UNK: variants seen among roughly 807,000 people sequenced by gnomAD.
UNK encodes the protein RING finger protein unkempt homolog.
A neutral mutation model predicts 97.6 loss-of-function variants in UNK; 32 were observed. That is an observed-to-expected ratio of 0.33 (90% confidence interval 0.25 to 0.44). The LOEUF (loss-of-function observed/expected upper bound fraction) is 0.44. UNK is among the 20% of genes least tolerant of loss of function. UNK has a pLI of 1.00. For missense variants in UNK, 771 were observed against 1,098.4 expected (o/e 0.70, Z 4.21); for synonymous variants, 441 against 461.2 (o/e 0.96, Z 0.56).
chr17:75,801,303 G>T (rs888731963), intron 1 of UNK, among the ~76,000 whole-genome samples: 2 of 152,070 alleles, frequency 1.3e-5, no homozygotes, highest in African/African-American at 4.8e-5. Flanking sequence ...TACTTTTAAG[G>T]CTCGGTGGCA....
rs575612726 is a variant in UNK at position 75,824,293 on chromosome 17, T to G, written c.2309T>G (p.Leu770Arg). The change falls in exon 16 of 16, where the codon CTT becomes CGT. Residue 770 changes from leucine (L) to arginine (R), a missense_variant. Physicochemically the swap from Leu to Arg is moderately radical, Grantham distance 102. Around this residue, in one of 5 missense-constraint regions of UNK, gnomAD observed 208 missense variants for 257.4 expected, o/e 0.81. Coordinates refer to ENST00000589666, the MANE Select transcript of UNK (RefSeq NM_001080419.3). The surrounding 1 kb of genome is among the most constrained non-coding windows in gnomAD (Gnocchi z 4.9). ...AVFHMQSVKC[L>R]KCQEQKRAVL... ...TTCCACATGCAGTCGGTGAAATGCCTTAAGTGTCAGGAACAGAAGCGGGCA... is the reference window on the plus strand; with the variant it reads ...TTCCACATGCAGTCGGTGAAATGCCGTAAGTGTCAGGAACAGAAGCGGGCA... 89 of 1,603,880 alleles carry G rather than the reference T, an allele frequency of 5.5e-5. No homozygotes were observed. Among genetic ancestry groups the G allele is most frequent in the Non-Finnish European group, 7.2e-5 (85 of 1,175,686 alleles).
In UNK at chr17:75,795,141, T is replaced by C. The variant is rs540426329; in HGVS notation, c.104+10157T>C. 2.6e-5 allele frequency among the ~76,000 whole-genome samples: 4 copies of C among 152,238 alleles called. No homozygotes were observed. The South Asian group carries it at 8.3e-4, about 32-fold the overall frequency. ...CGCCTCCATCATACTGCTTGTATCT[T>C]ACATGATGGATGTGTGTTCTAAACT... On this transcript the variant is annotated intron_variant, in intron 1 of 15. Coordinates refer to ENST00000589666, the MANE Select transcript of UNK (RefSeq NM_001080419.3).
At chr17:75,787,651 C>G (rs1481452536) in intron 1 of UNK, among the ~76,000 whole-genome samples, 1 of 151,820 alleles carries the variant, frequency 6.6e-6, no homozygotes, top group Non-Finnish European at 1.5e-5. Context: ...CATGGAAACC[C>G]CGTCTCTACT....
intron 2 of UNK, among the ~76,000 whole-genome samples, chr17:75,810,422 TGACA>T (rs2143772483): frequency 6.8e-6 from 1 of 148,094 alleles, no homozygotes; most frequent in Admixed American, 6.6e-5. Context: ...GTCGCACTAA[TGACA>T]GACATAGGGA....
intron 1 of UNK, among the ~76,000 whole-genome samples, chr17:75,799,398 G>T (rs2143712829): frequency 6.6e-6 from 1 of 152,340 alleles, no homozygotes; most frequent in South Asian, 2.1e-4. Flanking sequence ...TGAGGCGGAA[G>T]ATCTCAATTT....
At position 75,793,926 on chromosome 17, in the gene UNK, C is replaced by T. The variant is rs61081894; in HGVS notation, c.104+8942C>T. 1,081 of 985,282 alleles carry T rather than the reference C, an allele frequency of 1.1e-3. 8 individuals are homozygous for T. In the African/African-American group the frequency reaches 0.017, roughly 15 times the overall value. 61.0% of individuals were successfully genotyped at this position (985,282 alleles called of 1,614,324 possible). A position where few individuals can be genotyped will look rare whatever the true frequency, so the allele number is the denominator to read the frequency against. ...TTGTGACTTAGAAGTTTTAAGTAGT[C>T]GTTCTTATATCTAAGCATTTATTAA... On this transcript the variant is annotated intron_variant, in intron 1 of 15. Coordinates refer to ENST00000589666, the MANE Select transcript of UNK (RefSeq NM_001080419.3).
At chr17:75,803,557 T>G (rs1298456093) in intron 1 of UNK, among the ~76,000 whole-genome samples, 4 of 152,296 alleles carry the variant, frequency 2.6e-5, no homozygotes, top group Non-Finnish European at 2.9e-5. Flanking sequence ...TTGGACAAAT[T>G]TACAAAACTT....
Position 75,825,439 on chromosome 17 carries a change from T to G in UNK, c.*1022T>G, listed in dbSNP as rs2062110593. 1 of 152,728 alleles carries G rather than the reference T, an allele frequency of 6.5e-6. No homozygotes were observed. The highest frequency in any genetic ancestry group is 1.5e-5 in the Non-Finnish European group (1 of 68,180). The allele number at this position is 152,728 out of a possible 1,614,324, so 9.5% of individuals were successfully genotyped here. ...CCCGGAGGGGCTCCGTTTGCATTCC[T>G]TGGTGCTCTCTGAGTGCAGCTGGTG... On this transcript the variant is annotated 3_prime_UTR_variant, in exon 16 of 16. Transcript: ENST00000589666. This position sits in a 1 kb window ranked among gnomAD's most constrained non-coding sequence, Gnocchi z 4.4.
At chr17:75,805,421 C>A (rs2061903620) in intron 1 of UNK, among the ~76,000 whole-genome samples, 1 of 150,762 alleles carries the variant, frequency 6.6e-6, no homozygotes. Flanking sequence ...AAAAACAAGC[C>A]CACATGCTTG....
intron 6 of UNK, among the ~76,000 whole-genome samples, chr17:75,814,296 G>C (rs933802103): frequency 2.0e-5 from 3 of 152,004 alleles, no homozygotes; most frequent in African/African-American, 7.2e-5. Flanking sequence ...GAGGTCAGGA[G>C]TTTGAGACTA....
rs964881560 is a variant in UNK at position 75,819,614 on chromosome 17, G to A, written c.1547-70G>A. ...AGCATGGGCGTGAAGATGCAGCGTGGGCAGTAGACGAGGTGGTCAGGGTCA... is the reference window on the plus strand; with the variant it reads ...AGCATGGGCGTGAAGATGCAGCGTGAGCAGTAGACGAGGTGGTCAGGGTCA... On this transcript the variant is annotated intron_variant, in intron 11 of 15. Coordinates refer to ENST00000589666, the MANE Select transcript of UNK (RefSeq NM_001080419.3). This position sits in a 1 kb window ranked among gnomAD's most constrained non-coding sequence, Gnocchi z 5.4. 1.4e-6 allele frequency: 2 copies of A among 1,415,980 alleles called. No homozygotes were observed. The highest frequency in any genetic ancestry group is 2.8e-5 in the African/African-American group (2 of 70,960). 87.7% of individuals were successfully genotyped at this position (1,415,980 alleles called of 1,614,324 possible). A position where few individuals can be genotyped will look rare whatever the true frequency, so the allele number is the denominator to read the frequency against.
chr17:75,792,264 G>A, intron 1 of UNK: 1 of 981,258 alleles, frequency 1.0e-6, no homozygotes, highest in Non-Finnish European at 1.2e-6. Context: ...GGCAATATTT[G>A]CTTAATGATT....
chr17:75,815,377 C>A, intron 7 of UNK, 124 bp downstream of exon 7: 1 of 858,056 alleles, frequency 1.2e-6, no homozygotes, highest in Non-Finnish European at 1.8e-6. Context: ...GGCCTGCCAG[C>A]AGCAGGCCTT....
At chr17:75,812,687 C>T in intron 4 of UNK, 102 bp downstream of exon 4, 1 of 1,464,700 alleles carries the variant, frequency 6.8e-7, no homozygotes, top group South Asian at 1.4e-5. Flanking sequence ...TAGCCGAGGC[C>T]CCGACCTGGC....
At chr17:75,809,579 G>A (rs947286499) in intron 1 of UNK, among the ~76,000 whole-genome samples, 181 bp from the exon 2 acceptor site, 4 of 152,224 alleles carry the variant, frequency 2.6e-5, no homozygotes, top group Non-Finnish European at 5.9e-5. Flanking sequence ...TGGGACTGGG[G>A]TGTTGGTTTG....
intron 1 of UNK, among the ~76,000 whole-genome samples, chr17:75,790,564 G>C (rs748828392): frequency 6.6e-6 from 1 of 152,062 alleles, no homozygotes; most frequent in Non-Finnish European, 1.5e-5. Flanking sequence ...CCAGGAGATA[G>C]AGGCTACAGT....
intron 1 of UNK, among the ~76,000 whole-genome samples, chr17:75,800,678 A>G (rs1340853561): frequency 1.3e-5 from 2 of 151,212 alleles, no homozygotes; most frequent in African/African-American, 4.8e-5. Context: ...CAGAGCTTGC[A>G]GTGAGCTGAG....
Position 75,793,356 on chromosome 17 carries a change from A to G in UNK, c.104+8372A>G, listed in dbSNP as rs550790380. 105 of 928,872 alleles carry G rather than the reference A, an allele frequency of 1.1e-4. No homozygotes were observed. In the African/African-American group the frequency reaches 1.8e-3, roughly 16 times the overall value. 57.5% of individuals were successfully genotyped at this position (928,872 alleles called of 1,614,324 possible). ...GGCATTTAAAATGATATCAATGGCT[A>G]TACTATATTAGTTCAAGTAATCACA... On this transcript the variant is annotated intron_variant, in intron 1 of 15. Transcript: ENST00000589666.
At position 75,824,372 on chromosome 17, in the gene UNK, G is replaced by A; in HGVS notation, c.2388G>A (p.Glu796=). The change falls in exon 16 of 16, where the codon GAG becomes GAA. Residue 796 remains glutamate (E), a synonymous_variant. Coordinates refer to ENST00000589666, the MANE Select transcript of UNK (RefSeq NM_001080419.3). This position sits in a 1 kb window ranked among gnomAD's most constrained non-coding sequence, Gnocchi z 4.9. ...ALCELCAEGS[E]CPICQPGRAH... ...GTGAGCTCTGCGCTGAGGGCAGCGA[G>A]TGCCCCATCTGCCAGCCTGGCCGGG... The A allele has an allele frequency of 3.2e-6, 5 of 1,575,710 alleles. No individual in the cohort carries two copies. The highest frequency in any genetic ancestry group is 4.3e-6 in the Non-Finnish European group (5 of 1,163,930).
Sources: gnomAD v4.1 joint callset for allele counts (sites outside exome capture counted in the v4.1 genomes callset) on GRCh38, gnomAD v4.1.1 for gene constraint, gnomAD v4.1.1 regional missense constraint, Gnocchi (gnomAD v3.1) non-coding constraint, MANE v1.5 for transcripts, NCBI Gene and HGNC (gene_info 2026-07-23, HGNC 2026-07-21) for gene names.